The following DLGAP1 variants were observed in gnomAD, a reference collection of about 807,000 sequenced individuals.
DLGAP1 encodes the protein DLG associated protein 1.
A neutral mutation model predicts 90.8 loss-of-function variants in DLGAP1; 11 were observed. That is an observed-to-expected ratio of 0.12 (90% confidence interval 0.08 to 0.20). The LOEUF is 0.20. Among genes scored for constraint, DLGAP1 ranks in the 10% least tolerant of loss-of-function variants. DLGAP1 has a pLI of 1.00. For synonymous variants in DLGAP1, 558 were observed against 540.7 expected (o/e 1.03, Z -0.44); for missense variants, 1,050 against 1,333.8 (o/e 0.79, Z 3.31).
chr18:3,878,101 TTTC>T (rs1483734695), intron 4 of DLGAP1: 1 of 152,006 alleles, frequency 6.6e-6, no homozygotes, highest in East Asian at 1.9e-4. Context: ...TTTCTTTGCA[TTTC>T]TTCTTAAGGT....
chr18:3,828,267 T>C (rs969085174), intron 4 of DLGAP1, among the ~76,000 whole-genome samples: 4 of 152,200 alleles, frequency 2.6e-5, no homozygotes, highest in Non-Finnish European at 4.4e-5. Context: ...AGGGCAAGAA[T>C]CCTGAAGTTT....
Position 3,540,716 on chromosome 18 carries a change from C to G in DLGAP1, c.2058-6101G>C, listed in dbSNP as rs377750310. Among the ~76,000 whole-genome samples, 48 of 152,166 alleles carry G rather than the reference C, an allele frequency of 3.2e-4. No homozygotes were observed. The South Asian group carries it at 3.7e-3, about 12-fold the overall frequency. ...ACATCCATCTGTTATTTCAAATCCT[C>G]TATGTTCATCATTCCTTTGCTTAAA... On this transcript the variant is annotated intron_variant, in intron 9 of 12. Coordinates refer to ENST00000315677, the MANE Select transcript of DLGAP1 (RefSeq NM_004746.4).
intron 2 of DLGAP1, among the ~76,000 whole-genome samples, chr18:4,119,808 C>T (rs563770443): frequency 6.6e-6 from 1 of 152,276 alleles, no homozygotes; most frequent in South Asian, 2.1e-4. Flanking sequence ...AATTTAGTAA[C>T]AATGCGATGA....
intron 7 of DLGAP1, among the ~76,000 whole-genome samples, chr18:3,585,412 G>A (rs935306934): frequency 6.6e-6 from 1 of 152,186 alleles, no homozygotes; most frequent in African/African-American, 2.4e-5. Flanking sequence ...CCATAATTAG[G>A]ATAGAACCTC....
chr18:3,683,621 AG>A (rs2060598291), intron 7 of DLGAP1, among the ~76,000 whole-genome samples: 2 of 152,220 alleles, frequency 1.3e-5, no homozygotes, highest in African/African-American at 4.8e-5. Flanking sequence ...TCCCTATATG[AG>A]GGATGTGCAG....
At chr18:4,230,175 T>G (rs1431365923) in intron 1 of DLGAP1, among the ~76,000 whole-genome samples, 1 of 152,166 alleles carries the variant, frequency 6.6e-6, no homozygotes, top group Non-Finnish European at 1.5e-5. Context: ...CCTCATACAC[T>G]GTTGGTAGCA....
chr18:3,611,587 G>A (rs939862983), intron 7 of DLGAP1, among the ~76,000 whole-genome samples: 1 of 152,028 alleles, frequency 6.6e-6, no homozygotes, highest in Non-Finnish European at 1.5e-5. Flanking sequence ...CTCCCACCTC[G>A]AAATTACATA....
rs1158960060 is a variant in DLGAP1, at chr18:3,856,824, G to A, written c.957+22288C>T. On this transcript the variant is annotated intron_variant, in intron 4 of 12. Transcript: ENST00000315677. ...TGCAGTGAGCCGAGATTCCGCCACC[G>A]CACTCCAGCCTGGGCGACAGAGCAA... Among the ~76,000 whole-genome samples, 3 of 151,582 alleles carry A rather than the reference G, an allele frequency of 2.0e-5. 1 individual carries two copies. The highest frequency in any genetic ancestry group is 2.9e-5 in the Non-Finnish European group (2 of 67,934).
At chr18:4,161,999 G>A (rs2076853703) in intron 1 of DLGAP1, among the ~76,000 whole-genome samples, 1 of 152,130 alleles carries the variant, frequency 6.6e-6, no homozygotes, top group Non-Finnish European at 1.5e-5. Context: ...AGTCTCTGCA[G>A]CCATTTTGTC....
intron 2 of DLGAP1, among the ~76,000 whole-genome samples, chr18:4,119,374 G>A (rs2076116614): frequency 6.6e-6 from 1 of 152,154 alleles, no homozygotes. Flanking sequence ...GATTACAGGT[G>A]TGAGCCACTG....
At chr18:4,123,512 T>C (rs548652118) in intron 2 of DLGAP1, among the ~76,000 whole-genome samples, 1 of 152,202 alleles carries the variant, frequency 6.6e-6, no homozygotes, top group South Asian at 2.1e-4. Flanking sequence ...TTCAGGAACA[T>C]AAAAAGTGAC....
chr18:4,354,390 C>A (rs1042586064), intron 1 of DLGAP1, among the ~76,000 whole-genome samples: 13 of 152,280 alleles, frequency 8.5e-5, no homozygotes, highest in Non-Finnish European at 1.6e-4. Context: ...GACGGAATGC[C>A]ACACAGAGGG....
chr18:4,182,145 T>C (rs2077220491), intron 1 of DLGAP1, among the ~76,000 whole-genome samples: 1 of 152,072 alleles, frequency 6.6e-6, no homozygotes, highest in Non-Finnish European at 1.5e-5. Flanking sequence ...TTACCAACCT[T>C]TTTTCTGACA....
chr18:3,990,995 A>G (rs543778693), intron 3 of DLGAP1, among the ~76,000 whole-genome samples: 46 of 152,108 alleles, frequency 3.0e-4, no homozygotes, highest in Admixed American at 1.7e-3. Flanking sequence ...TTTCCTTTCC[A>G]ACTTTTATTT....
intron 1 of DLGAP1, among the ~76,000 whole-genome samples, chr18:4,410,463 G>T (rs1188774451): frequency 6.6e-6 from 1 of 151,832 alleles, no homozygotes; most frequent in Non-Finnish European, 1.5e-5. Context: ...ATACATACAG[G>T]TACATACATA....
In DLGAP1 at chr18:3,880,128, C is replaced by T. The variant is rs1213142301; in HGVS notation, c.-60G>A. 2.7e-6 allele frequency: 4 copies of T among 1,503,328 alleles called. No individual in the cohort carries two copies. The highest frequency in any genetic ancestry group is 3.6e-6 in the Non-Finnish European group (4 of 1,097,326). The allele number at this position is 1,503,328 out of a possible 1,614,324, so 93.1% of individuals were successfully genotyped here. On this transcript the variant is annotated 5_prime_UTR_variant, in exon 4 of 13. Coordinates refer to ENST00000315677, the MANE Select transcript of DLGAP1 (RefSeq NM_004746.4). ...CCCGGAAGTCAGGCTCCAGACCCGT[C>T]TTGGGCAGGGATCTGGGGGAATGAA...
chr18:3,881,641 C>T (rs1413932411), intron 3 of DLGAP1, among the ~76,000 whole-genome samples: 1 of 152,200 alleles, frequency 6.6e-6, no homozygotes, highest in Non-Finnish European at 1.5e-5. Context: ...GAGCCGGGCG[C>T]GGTGGCTCAC....
rs527833231 is a variant in DLGAP1, at chr18:3,685,953, C to T, written c.1591+43182G>A. Reference sequence around the variant, plus strand: ...CTTTGGGAGGCCAAGGCAGGAGGATCACCTGATGTCAGGAGTTCGAGACCA... The same window carrying T: ...CTTTGGGAGGCCAAGGCAGGAGGATTACCTGATGTCAGGAGTTCGAGACCA... On this transcript the variant is annotated intron_variant, in intron 7 of 12. Transcript: ENST00000315677. Among the ~76,000 whole-genome samples the T allele has an allele frequency of 9.2e-4, 140 of 152,290 alleles. 1 individual carries two copies. The highest frequency in any genetic ancestry group is 3.3e-3 in the African/African-American group (137 of 41,590).
chr18:3,699,996 G>A (rs908898338), intron 7 of DLGAP1, among the ~76,000 whole-genome samples: 17 of 152,330 alleles, frequency 1.1e-4, no homozygotes, highest in South Asian at 4.1e-4. Context: ...AGCGTCCCAG[G>A]TGGACTTCAG....
Sources: gnomAD v4.1 joint callset for allele counts (sites outside exome capture counted in the v4.1 genomes callset) on GRCh38, gnomAD v4.1.1 for gene constraint, MANE v1.5 for transcripts, NCBI Gene and HGNC (gene_info 2026-07-23, HGNC 2026-07-21) for gene names.